Variants in KCNN2 observed in about 807,000 individuals in gnomAD.
The protein encoded by KCNN2 is small conductance calcium-activated potassium channel protein 2.
A neutral mutation model predicts 55.5 loss-of-function variants in KCNN2; 24 were observed. That is an observed-to-expected ratio of 0.43 (90% CI 0.31 to 0.61). The LOEUF (loss-of-function observed/expected upper bound fraction) is 0.61. Ranked by LOEUF, KCNN2 falls within the 20% of genes least tolerant of loss-of-function variation. KCNN2 has a pLI of 0.08. For synonymous variants in KCNN2, 431 were observed against 336.1 expected (o/e 1.28, Z -3.09); for missense variants, 754 against 853.6 (o/e 0.88, Z 1.45).
chr5:114,441,263 A>G (rs1205123883), intron 3 of KCNN2, among the ~76,000 whole-genome samples: 1 of 152,220 alleles, frequency 6.6e-6, no homozygotes, highest in Admixed American at 6.5e-5. Flanking sequence ...ACAACTCAGT[A>G]TTTAATGAGT....
chr5:114,350,760 A>C (rs1757192022), intron 2 of KCNN2, among the ~76,000 whole-genome samples: 1 of 151,872 alleles, frequency 6.6e-6, no homozygotes, highest in Non-Finnish European at 1.5e-5. Flanking sequence ...AAGGTCAATC[A>C]GTCATAAATG....
At chr5:114,485,241 C>A (rs1340051357) in intron 5 of KCNN2, among the ~76,000 whole-genome samples, 1 of 152,132 alleles carries the variant, frequency 6.6e-6, no homozygotes, top group Non-Finnish European at 1.5e-5. Flanking sequence ...AGGCAGGGAT[C>A]TAGGCTTCTC....
intron 1 of KCNN2, among the ~76,000 whole-genome samples, chr5:114,203,125 A>G (rs946338740): frequency 1.2e-4 from 19 of 152,156 alleles, no homozygotes; most frequent in African/African-American, 4.3e-4. Flanking sequence ...TAGAGGATGG[A>G]GGAAAGTTTG....
chr5:114,307,253 A>G (rs554755817), intron 2 of KCNN2, among the ~76,000 whole-genome samples: 1 of 152,290 alleles, frequency 6.6e-6, no homozygotes, highest in East Asian at 1.9e-4. Context: ...ACTAACTTAG[A>G]TCTGGAGACT....
intron 1 of KCNN2, among the ~76,000 whole-genome samples, chr5:114,167,478 T>A (rs1004136910): frequency 1.3e-5 from 2 of 152,132 alleles, no homozygotes; most frequent in Non-Finnish European, 2.9e-5. Flanking sequence ...ACAAACATAC[T>A]AACTTACCTG....
intron 5 of KCNN2, among the ~76,000 whole-genome samples, chr5:114,482,123 A>G (rs1762255927): frequency 6.6e-6 from 1 of 152,248 alleles, no homozygotes; most frequent in Non-Finnish European, 1.5e-5. Context: ...AATGTTTGCA[A>G]TCTGTCCATC....
intron 1 of KCNN2, among the ~76,000 whole-genome samples, chr5:114,174,983 A>G (rs1753107061): frequency 6.6e-6 from 1 of 152,168 alleles, no homozygotes; most frequent in Non-Finnish European, 1.5e-5. Context: ...CTCAAGAAAT[A>G]ATTAAAATCT....
At chr5:114,253,919 C>T (rs1251325375) in intron 2 of KCNN2, among the ~76,000 whole-genome samples, 1 of 152,144 alleles carries the variant, frequency 6.6e-6, no homozygotes, top group Non-Finnish European at 1.5e-5. Flanking sequence ...TAATCTGTGA[C>T]TCTTGTTTGC....
At chr5:114,132,992 GA>G (rs1752100895) in intron 1 of KCNN2, among the ~76,000 whole-genome samples, 1 of 152,176 alleles carries the variant, frequency 6.6e-6, no homozygotes, top group African/African-American at 2.4e-5. Context: ...GGAATGGAGA[GA>G]GAAAGAGAGG....
At chr5:114,268,946 G>C (rs1042596662) in intron 2 of KCNN2, among the ~76,000 whole-genome samples, 1 of 151,600 alleles carries the variant, frequency 6.6e-6, no homozygotes, top group Non-Finnish European at 1.5e-5. Flanking sequence ...TCGGGGGTGG[G>C]GGGGTTCTCT....
chr5:114,313,504 T>C (rs983077479), intron 2 of KCNN2, among the ~76,000 whole-genome samples: 1 of 152,112 alleles, frequency 6.6e-6, no homozygotes, highest in African/African-American at 2.4e-5. Flanking sequence ...ACAGTGATGA[T>C]AAAAAGGTGC....
At chr5:114,320,398 G>A (rs1023888319) in intron 2 of KCNN2, among the ~76,000 whole-genome samples, 1 of 152,088 alleles carries the variant, frequency 6.6e-6, no homozygotes, top group Non-Finnish European at 1.5e-5. Context: ...CGGATCATGA[G>A]GTCAGGAGAT....
At chr5:114,472,649 G>A (rs1338547604) in intron 4 of KCNN2, among the ~76,000 whole-genome samples, 1 of 152,066 alleles carries the variant, frequency 6.6e-6, no homozygotes, top group Non-Finnish European at 1.5e-5. Flanking sequence ...AAGATTAGAG[G>A]TTTATTCTGT....
intron 1 of KCNN2, among the ~76,000 whole-genome samples, chr5:114,171,314 A>G (rs896220307): frequency 2.0e-5 from 3 of 151,984 alleles, no homozygotes; most frequent in Non-Finnish European, 4.4e-5. Context: ...CACATACCTC[A>G]TAGGTAACAT....
At chr5:114,417,554 G>A (rs1759343286) in intron 3 of KCNN2, among the ~76,000 whole-genome samples, 1 of 152,070 alleles carries the variant, frequency 6.6e-6, no homozygotes, top group Non-Finnish European at 1.5e-5. Flanking sequence ...CTAGATCTCT[G>A]TTCTTTCAGC....
intron 2 of KCNN2, among the ~76,000 whole-genome samples, chr5:114,307,809 T>C (rs915052955): frequency 1.1e-4 from 16 of 152,148 alleles, no homozygotes; most frequent in African/African-American, 3.9e-4. Context: ...TTGGCCATCA[T>C]TGAGGCCAAG....
At chr5:114,239,583 T>C (rs1237601784) in intron 2 of KCNN2, among the ~76,000 whole-genome samples, 2 of 152,226 alleles carry the variant, frequency 1.3e-5, no homozygotes, top group Non-Finnish European at 2.9e-5. Context: ...GGAGGAACAC[T>C]TGAGAAGAGA....
chr5:114,369,013 A>G (rs1339348520), intron 2 of KCNN2, among the ~76,000 whole-genome samples: 2 of 152,146 alleles, frequency 1.3e-5, no homozygotes, highest in Middle Eastern at 3.4e-3. Context: ...ACATCCTTAT[A>G]TATTTATTTT....
At chr5:114,490,625 G>A in intron 6 of KCNN2, 1 of 397,748 alleles carries the variant, frequency 2.5e-6, no homozygotes, top group Non-Finnish European at 4.4e-6. Flanking sequence ...GTGTTATTTT[G>A]TTCCAGAATA....
Sources: gnomAD v4.1 joint callset for allele counts (sites outside exome capture counted in the v4.1 genomes callset) on GRCh38, gnomAD v4.1.1 for gene constraint, MANE v1.5 for transcripts, NCBI Gene and HGNC (gene_info 2026-07-23, HGNC 2026-07-21) for gene names.